SERPINF1: variants seen among roughly 807,000 people sequenced by gnomAD.
SERPINF1 encodes pigment epithelium-derived factor.
Under a neutral mutation model 37.3 loss-of-function variants are expected in SERPINF1, and 29 were observed. The observed-to-expected ratio is 0.78, with a 90% CI of 0.58 to 1.06. The LOEUF (loss-of-function observed/expected upper bound fraction) is 1.06. SERPINF1 is among the 50% of genes least tolerant of loss of function. The probability of loss-of-function intolerance (pLI) is 0.00; values close to 1 mark genes in which losing one functional copy is unlikely to be tolerated. For synonymous variants in SERPINF1, 281 were observed against 227.9 expected (o/e 1.23, Z -2.10); for missense variants, 553 against 532.2 (o/e 1.04, Z -0.38).
rs1907765536 is a variant in SERPINF1, at chr17:1,771,925, A to G, written c.493A>G (p.Arg165Gly). The G allele has an allele frequency of 1.9e-6, 3 of 1,614,052 alleles. No individual in the cohort carries two copies. Reference protein sequence around the residue: ...VAPLEKSYGTRPRVLTGNPRL... With the variant: ...VAPLEKSYGTGPRVLTGNPRL... ...ACCTCTGGAAAAGTCATATGGGACC[A>G]GGCCCAGAGTCCTGACGGGCAACCC... The change falls in exon 5 of 8, where the codon AGG (arginine) becomes GGG (glycine). Residue 165 changes from arginine (R) to glycine (G), a missense_variant. By Grantham distance (125) the Arg-to-Gly change is moderately radical. Coordinates refer to ENST00000254722, the MANE Select transcript of SERPINF1 (RefSeq NM_002615.7).
At position 1,777,511 on chromosome 17, in the gene SERPINF1, C is replaced by G; in HGVS notation, c.*65C>G. ...GAGGGACAGCAGATTCCACAGGACA[C>G]GAAGGCTGCCCCTGTAAGGTTTCAA... On this transcript the variant is annotated 3_prime_UTR_variant, in exon 8 of 8. Coordinates refer to ENST00000254722, the MANE Select transcript of SERPINF1 (RefSeq NM_002615.7). 1 of 1,601,258 alleles carries G rather than the reference C, an allele frequency of 6.2e-7. No homozygotes were observed. The highest frequency in any genetic ancestry group is 8.5e-7 in the Non-Finnish European group (1 of 1,169,686).
intron 1 of SERPINF1, 38 bp from the exon 2 acceptor site, chr17:1,766,865 G>C (rs760137768): frequency 1.3e-6 from 2 of 1,535,498 alleles, no homozygotes; most frequent in Admixed American, 2.0e-5. Flanking sequence ...GTGCAGTGTC[G>C]GGGGAGAGCG....
chr17:1,770,820 C>A (rs568403921), intron 3 of SERPINF1: 1 of 593,430 alleles, frequency 1.7e-6, no homozygotes, highest in South Asian at 1.8e-5. Flanking sequence ...CACTCCCTCA[C>A]TCCCACCTTC....
At position 1,776,482 on chromosome 17, in the gene SERPINF1, C is replaced by T. The variant is rs141871966; in HGVS notation, c.787-50C>T. The T allele has an allele frequency of 6.0e-3, 9,508 of 1,578,074 alleles. 43 individuals are homozygous for T. Among genetic ancestry groups the T allele is most frequent in the Non-Finnish European group, 7.6e-3 (8,713 of 1,149,532 alleles). On this transcript the variant is annotated intron_variant, in intron 6 of 7. Coordinates refer to ENST00000254722, the MANE Select transcript of SERPINF1 (RefSeq NM_002615.7). ...GGCAGCTCCTGGCTGTGTCTGTCCC[C>T]GGCTTTTGGGCTCTGAAGGACTAAC...
Position 1,772,266 on chromosome 17 carries a change from A to G in SERPINF1, c.643+191A>G, listed in dbSNP as rs5008944. On this transcript the variant is annotated intron_variant, in intron 5 of 7. Transcript: ENST00000254722. ...CGAGTAGCTGGGATTACAGGGATGT[A>G]CCACCACTCCCGGCTAATTTTTTGT... is the stretch of plus-strand genomic sequence containing the variant. Among the ~76,000 whole-genome samples the G allele has an allele frequency of 0.39, 58,736 of 151,034 alleles. 11,661 individuals are homozygous for G. Among genetic ancestry groups the G allele is most frequent in the East Asian group, 0.51 (2,616 of 5,098 alleles).
Position 1,777,274 on chromosome 17 carries a change from T to G in SERPINF1, c.1085T>G (p.Phe362Cys), listed in dbSNP as rs774393090. ...KLTQVEHRAG[F>C]EWNEDGAGTT... ...ACTCAGGTGGAACACCGGGCTGGCT[T>G]TGAGTGGAACGAGGATGGGGCGGGA... The change falls in exon 8 of 8, where the codon TTT (phenylalanine) becomes TGT (cysteine). Residue 362 changes from phenylalanine to cysteine, a missense_variant. Coordinates refer to ENST00000254722, the MANE Select transcript of SERPINF1 (RefSeq NM_002615.7). 1.2e-6 allele frequency: 2 copies of G among 1,614,044 alleles called. No homozygotes were observed. The highest frequency in any genetic ancestry group is 4.5e-5 in the East Asian group (2 of 44,854).
chr17:1,767,384 C>G (rs1281158827), intron 2 of SERPINF1, among the ~76,000 whole-genome samples: 3 of 152,192 alleles, frequency 2.0e-5, no homozygotes, highest in African/African-American at 4.8e-5. Flanking sequence ...TCAAGTGATT[C>G]TCCTGCCTCG....
chr17:1,768,496 CAG>C (rs1745531652), intron 2 of SERPINF1, among the ~76,000 whole-genome samples: 1 of 150,316 alleles, frequency 6.7e-6, no homozygotes, highest in Admixed American at 6.6e-5. Context: ...TTTTTAGAGA[CAG>C]AGTCTCACTC....
Position 1,773,539 on chromosome 17 carries a change from C to T in SERPINF1, c.643+1464C>T, listed in dbSNP as rs902443563. Among the ~76,000 whole-genome samples the T allele has an allele frequency of 4.6e-5, 7 of 152,326 alleles. No individual in the cohort carries two copies. The South Asian group carries it at 6.2e-4, about 14-fold the overall frequency. ...CTGGGATTACAGGCGTGAGCCACTG[C>T]GCTGGCCAAATCAGACAAGGTTTAA... is the stretch of plus-strand genomic sequence containing the variant. On this transcript the variant is annotated intron_variant, in intron 5 of 7. Coordinates refer to ENST00000254722, the MANE Select transcript of SERPINF1 (RefSeq NM_002615.7).
At position 1,763,514 on chromosome 17, in the gene SERPINF1, C is replaced by T. The variant is rs894437261; in HGVS notation, c.-9+1401C>T. ...ATTGTCTGTGGCTGCAGCCAGCCAG[C>T]GGTCGCCTGCTCAGCCCATGAGCAA... On this transcript the variant is annotated intron_variant, in intron 1 of 7. Coordinates refer to ENST00000254722, the MANE Select transcript of SERPINF1 (RefSeq NM_002615.7). Among the ~76,000 whole-genome samples the T allele has an allele frequency of 4.6e-5, 7 of 152,310 alleles. No homozygotes were observed. The East Asian group carries it at 5.8e-4, about 13-fold the overall frequency.
intron 6 of SERPINF1, among the ~76,000 whole-genome samples, chr17:1,776,196 C>T (rs890247047): frequency 6.6e-6 from 1 of 152,138 alleles, no homozygotes; most frequent in African/African-American, 2.4e-5. Flanking sequence ...AACAAATGAG[C>T]AGTAAATGTT....
chr17:1,762,291 G>T (rs1438371930), intron 1 of SERPINF1, 178 bp downstream of exon 1: 1 of 152,846 alleles, frequency 6.5e-6, no homozygotes, highest in Non-Finnish European at 1.5e-5. Context: ...GATGAGAGAG[G>T]GCAGAGGGAG....
intron 1 of SERPINF1, among the ~76,000 whole-genome samples, chr17:1,765,914 T>C (rs1907342930): frequency 6.6e-6 from 1 of 150,876 alleles, no homozygotes; most frequent in South Asian, 2.1e-4. Flanking sequence ...CCAGGATCTC[T>C]GACCCTAGGC....
intron 2 of SERPINF1, 37 bp from the exon 3 acceptor site, chr17:1,769,815 C>G: frequency 6.2e-7 from 1 of 1,611,234 alleles, no homozygotes. Context: ...TCTGCGAGTC[C>G]CTGAACTCAA....
chr17:1,772,199 C>G (rs1461005940), intron 5 of SERPINF1, 124 bp downstream of exon 5: 6 of 1,018,180 alleles, frequency 5.9e-6, no homozygotes, highest in African/African-American at 1.6e-5. Context: ...TCAATGCAAC[C>G]TCCGCCTCCC....
At chr17:1,769,683 G>A (rs567350461) in intron 2 of SERPINF1, 169 bp from the exon 3 acceptor site, 23 of 716,630 alleles carry the variant, frequency 3.2e-5, no homozygotes, top group African/African-American at 2.1e-4. Flanking sequence ...GAGCTCATGC[G>A]TGATCAGGGA....
At chr17:1,768,881 T>C (rs111520267) in intron 2 of SERPINF1, among the ~76,000 whole-genome samples, 60,644 of 151,328 alleles carry the variant, frequency 0.4, 14,893 homozygotes, top group African/African-American at 0.7. Context: ...TCTCAGCTCA[T>C]TGCAACCTCT....
Position 1,777,525 on chromosome 17 carries a change from G to T in SERPINF1, c.*79G>T, listed in dbSNP as rs1908122129. 2 of 1,581,790 alleles carry T rather than the reference G, an allele frequency of 1.3e-6. No homozygotes were observed. The highest frequency in any genetic ancestry group is 1.7e-6 in the Non-Finnish European group (2 of 1,153,074). On this transcript the variant is annotated 3_prime_UTR_variant, in exon 8 of 8. Coordinates refer to ENST00000254722, the MANE Select transcript of SERPINF1 (RefSeq NM_002615.7). Reference sequence around the variant, plus strand: ...TCCACAGGACACGAAGGCTGCCCCTGTAAGGTTTCAATGCATACAATAAAA... The same window carrying T: ...TCCACAGGACACGAAGGCTGCCCCTTTAAGGTTTCAATGCATACAATAAAA...
intron 4 of SERPINF1, among the ~76,000 whole-genome samples, chr17:1,771,482 C>T (rs1907734685): frequency 6.6e-6 from 1 of 152,030 alleles, no homozygotes; most frequent in Non-Finnish European, 1.5e-5. Context: ...TGGTGTTCTG[C>T]CCGCCTCGAC....
Sources: allele counts gnomAD v4.1 joint callset (sites outside exome capture counted in the v4.1 genomes callset), GRCh38; gene constraint gnomAD v4.1.1; transcripts MANE v1.5; gene names NCBI Gene and HGNC (gene_info 2026-07-23, HGNC 2026-07-21).